The following SHISAL1 variants were observed in gnomAD, a reference collection of about 807,000 sequenced individuals.
The protein encoded by SHISAL1 is protein shisa-like-1.
In SHISAL1, 9 loss-of-function variants were observed where a neutral mutation model predicts 22.6. The ratio of observed to expected loss-of-function variants is 0.40; its 90% confidence interval spans 0.24 to 0.70. SHISAL1 has a LOEUF of 0.70. SHISAL1 is among the 30% of genes least tolerant of loss of function. The pLI is 0.39. For synonymous variants in SHISAL1, 119 were observed against 115.4 expected (o/e 1.03, Z -0.20); for missense variants, 246 against 270.6 (o/e 0.91, Z 0.64).
intron 2 of SHISAL1, among the ~76,000 whole-genome samples, chr22:44,298,944 G>A (rs998148701): frequency 5.9e-5 from 9 of 152,330 alleles, no homozygotes; most frequent in East Asian, 1.9e-4. Flanking sequence ...GCTGGGAGCC[G>A]GGACAACCGG....
At chr22:44,254,983 C>T (rs897315342) in intron 4 of SHISAL1, among the ~76,000 whole-genome samples, 13 of 152,158 alleles carry the variant, frequency 8.5e-5, no homozygotes, top group African/African-American at 3.1e-4. Context: ...CCCTTTCACT[C>T]ATCCTCCCAG....
chr22:44,243,854 C>T lies in SHISAL1; in HGVS notation c.*5831G>A, dbSNP rs1230404043. 1.3e-5 allele frequency: 2 copies of T among 152,156 alleles called. No individual in the cohort carries two copies. The highest frequency in any genetic ancestry group is 4.8e-5 in the African/African-American group (2 of 41,428). The allele number at this position is 152,156 out of a possible 1,614,324, so 9.4% of individuals were successfully genotyped here. On this transcript the variant is annotated 3_prime_UTR_variant, in exon 5 of 5. Coordinates refer to ENST00000381176, the MANE Select transcript of SHISAL1 (RefSeq NM_001099294.2). ...CGGTTATCAGCTCTCAGGGAGACCC[C>T]ATGCCTGCTCACATGAAGTCAGAGT... is the stretch of plus-strand genomic sequence containing the variant.
At chr22:44,327,045 C>T in the SHISAL1 span, among the ~76,000 whole-genome samples, 4 of 152,158 alleles carry the variant, frequency 2.6e-5, no homozygotes, top group East Asian at 1.9e-4. Context: ...ACCTTGAACA[C>T]GGTCCCAGCC....
At position 44,246,327 on chromosome 22, in the gene SHISAL1, A is replaced by G. The variant is rs921664368; in HGVS notation, c.*3358T>C. 1 of 152,244 alleles carries G rather than the reference A, an allele frequency of 6.6e-6. No individual in the cohort carries two copies. The highest frequency in any genetic ancestry group is 2.4e-5 in the African/African-American group (1 of 41,450). The allele number at this position is 152,244 out of a possible 1,614,324, so 9.4% of individuals were successfully genotyped here. On this transcript the variant is annotated 3_prime_UTR_variant, in exon 5 of 5. Transcript: ENST00000381176. Reference sequence around the variant, plus strand: ...TAGTTCTGCAAACAGCCTCGAATGCAGATTCCTCTGTGGACATCTTGTCCT... The same window carrying G: ...TAGTTCTGCAAACAGCCTCGAATGCGGATTCCTCTGTGGACATCTTGTCCT...
intron 4 of SHISAL1, among the ~76,000 whole-genome samples, chr22:44,263,749 G>T (rs2055142629): frequency 6.6e-6 from 1 of 152,194 alleles, no homozygotes; most frequent in Non-Finnish European, 1.5e-5. Flanking sequence ...CTGGGAACTG[G>T]AGCAGACAAG....
chr22:44,283,051 C>T (rs972386836), intron 4 of SHISAL1, among the ~76,000 whole-genome samples: 3 of 152,346 alleles, frequency 2.0e-5, no homozygotes, highest in African/African-American at 4.8e-5. Context: ...TCCCCTCTCA[C>T]GTTGGTTCCT....
At chr22:44,324,774 C>G in the SHISAL1 span, among the ~76,000 whole-genome samples, 2 of 152,158 alleles carry the variant, frequency 1.3e-5, no homozygotes, top group Non-Finnish European at 2.9e-5. Context: ...GATCAGCACC[C>G]GGAGCCTCCC....
Position 44,246,182 on chromosome 22 carries a change from GTTCTGAATAGAGA to G in SHISAL1, c.*3490_*3502del, listed in dbSNP as rs569885151. ...AGCCAGCAGGCATTACCAGCTATTG[GTTCTGAATAGAGA>G]TTCTGAAACACACAACAATCACACC... On this transcript the variant is annotated 3_prime_UTR_variant, in exon 5 of 5. Coordinates refer to ENST00000381176, the MANE Select transcript of SHISAL1 (RefSeq NM_001099294.2). 140 of 152,308 alleles carry G rather than the reference GTTCTGAATAGAGA, an allele frequency of 9.2e-4. 1 individual carries two copies. The highest frequency in any genetic ancestry group is 3.3e-3 in the African/African-American group (137 of 41,540). 9.4% of individuals were successfully genotyped at this position (152,308 alleles called of 1,614,324 possible). A position where few individuals can be genotyped will look rare whatever the true frequency, so the allele number is the denominator to read the frequency against.
At chr22:44,286,667 G>T (rs1158267155) in intron 3 of SHISAL1, among the ~76,000 whole-genome samples, 1 of 152,142 alleles carries the variant, frequency 6.6e-6, no homozygotes, top group Non-Finnish European at 1.5e-5. Flanking sequence ...CTGGCCCACA[G>T]CCCTGAGTTT....
upstream of SHISAL1, among the ~76,000 whole-genome samples, chr22:44,314,491 C>T (rs2055544837): frequency 1.3e-5 from 2 of 152,316 alleles, no homozygotes; most frequent in South Asian, 2.1e-4. Context: ...CCGCCAATGA[C>T]ATTTACTCCT....
At chr22:44,284,636 C>T (rs1043418503) in intron 4 of SHISAL1, among the ~76,000 whole-genome samples, 8 of 152,164 alleles carry the variant, frequency 5.3e-5, no homozygotes, top group Admixed American at 2.0e-4. Context: ...ACCTGGGAAT[C>T]GACCCTCAGT....
At chr22:44,317,643 C>G (rs1241182268), upstream of SHISAL1, among the ~76,000 whole-genome samples, 1 of 152,176 alleles carries the variant, frequency 6.6e-6, no homozygotes, top group East Asian at 1.9e-4. Flanking sequence ...TGGGCTGTTC[C>G]CATGGGGGCC....
In SHISAL1 at chr22:44,300,039, A is replaced by AAAGAG. The variant is rs1379410294; in HGVS notation, c.67+835_67+839dup. The stretch of plus-strand genomic sequence containing the variant: ...GACAGAGACAGACACAGAGACACAG[A>AAAGAG]AAGAGACAGAGAGACAGAGACAGAC... On this transcript the variant is annotated intron_variant, in intron 2 of 4. Coordinates refer to ENST00000381176, the MANE Select transcript of SHISAL1 (RefSeq NM_001099294.2). 2.6e-5 allele frequency among the ~76,000 whole-genome samples: 4 copies of AAAGAG among 152,096 alleles called. No homozygotes were observed. In the East Asian group the frequency reaches 7.7e-4, roughly 29 times the overall value.
At chr22:44,315,917 C>A (rs888178191), upstream of SHISAL1, among the ~76,000 whole-genome samples, 1 of 152,168 alleles carries the variant, frequency 6.6e-6, no homozygotes, top group Non-Finnish European at 1.5e-5. Context: ...GGGTCTCCAT[C>A]CTGGCCCTCA....
intron 3 of SHISAL1, among the ~76,000 whole-genome samples, chr22:44,285,977 C>T (rs1003229932): frequency 6.6e-6 from 1 of 152,204 alleles, no homozygotes; most frequent in African/African-American, 2.4e-5. Context: ...GGGCATCCTC[C>T]AGGACCCTGA....
intron 3 of SHISAL1, among the ~76,000 whole-genome samples, chr22:44,292,933 A>T (rs1167934312): frequency 6.6e-6 from 1 of 152,180 alleles, no homozygotes; most frequent in East Asian, 1.9e-4. Context: ...GTCTTATCCC[A>T]TGCATGGCCT....
At chr22:44,298,335 G>A (rs540313186) in intron 2 of SHISAL1, among the ~76,000 whole-genome samples, 64 of 152,332 alleles carry the variant, frequency 4.2e-4, no homozygotes, top group Non-Finnish European at 8.2e-4. Context: ...GCCCCTGATC[G>A]GCCTCGAGGG....
chr22:44,287,058 C>A (rs1375427495), intron 3 of SHISAL1, among the ~76,000 whole-genome samples: 1 of 141,704 alleles, frequency 7.1e-6, no homozygotes, highest in African/African-American at 2.5e-5. Context: ...TCCTTTAAGA[C>A]CCTGTTTGAG....
At chr22:44,297,468 G>A (rs1400587936) in intron 2 of SHISAL1, among the ~76,000 whole-genome samples, 1 of 152,118 alleles carries the variant, frequency 6.6e-6, no homozygotes, top group Non-Finnish European at 1.5e-5. Context: ...AGGACCTCTT[G>A]GGTACCTCTT....
Sources: gnomAD v4.1 joint callset for allele counts (sites outside exome capture counted in the v4.1 genomes callset) on GRCh38, gnomAD v4.1.1 for gene constraint, MANE v1.5 for transcripts, NCBI Gene and HGNC (gene_info 2026-07-23, HGNC 2026-07-21) for gene names.